The following SAMD12 variants were observed in gnomAD, a reference collection of about 807,000 sequenced individuals.
The protein encoded by SAMD12 is sterile alpha motif domain-containing protein 12.
A neutral mutation model predicts 15.0 loss-of-function variants in SAMD12; 9 were observed. The ratio of observed to expected loss-of-function variants is 0.60; its 90% CI spans 0.36 to 1.05. SAMD12 has a LOEUF of 1.05. Ranked by LOEUF, SAMD12 falls within the 50% of genes least tolerant of loss-of-function variation. SAMD12 has a pLI of 0.01. For synonymous variants in SAMD12, 86 were observed against 90.1 expected (o/e 0.96, Z 0.25); for missense variants, 230 against 234.2 (o/e 0.98, Z 0.12).
At chr8:118,216,379 A>G (rs1811960245) in intron 4 of SAMD12, among the ~76,000 whole-genome samples, 1 of 150,698 alleles carries the variant, frequency 6.6e-6, no homozygotes, top group Non-Finnish European at 1.5e-5. Flanking sequence ...TCAGATGAGT[A>G]GGTTGCGAAA....
At chr8:118,554,281 C>G (rs971608111) in intron 2 of SAMD12, among the ~76,000 whole-genome samples, 1 of 152,042 alleles carries the variant, frequency 6.6e-6, no homozygotes, top group Admixed American at 6.6e-5. Context: ...TTGGAACCAA[C>G]CCAAATGTCC....
chr8:118,343,986 T>C (rs1817503288), intron 4 of SAMD12, among the ~76,000 whole-genome samples: 1 of 152,202 alleles, frequency 6.6e-6, no homozygotes, highest in Non-Finnish European at 1.5e-5. Context: ...CATATATATA[T>C]GGCACATAGT....
intron 4 of SAMD12, among the ~76,000 whole-genome samples, chr8:118,345,835 G>A (rs1817608507): frequency 6.6e-6 from 1 of 152,216 alleles, no homozygotes; most frequent in Non-Finnish European, 1.5e-5. Flanking sequence ...AGGAGACACA[G>A]TTCCCCACCC....
intron 4 of SAMD12, among the ~76,000 whole-genome samples, chr8:118,332,986 T>C (rs906231012): frequency 6.6e-6 from 1 of 152,198 alleles, no homozygotes; most frequent in African/African-American, 2.4e-5. Flanking sequence ...GAAATGTCTG[T>C]CTCATGAGGA....
rs139570581 is a variant in SAMD12 at position 118,524,579 on chromosome 8, C to T, written c.192+56136G>A. 5.5e-3 allele frequency among the ~76,000 whole-genome samples: 837 copies of T among 152,244 alleles called. 7 individuals carry two copies. The highest frequency in any genetic ancestry group is 0.019 in the African/African-American group (780 of 41,546). ...CCAATGCCTGCCAAATATATACCTGCGGCCTGGACTTCTCCCTTGAACTTC... is the reference window on the plus strand; with the variant it reads ...CCAATGCCTGCCAAATATATACCTGTGGCCTGGACTTCTCCCTTGAACTTC... On this transcript the variant is annotated intron_variant, in intron 2 of 3. Coordinates refer to ENST00000314727, the MANE Select transcript of SAMD12 (RefSeq NM_207506.3).
intron 2 of SAMD12, among the ~76,000 whole-genome samples, chr8:118,561,679 A>G (rs1427934457): frequency 6.6e-6 from 1 of 152,246 alleles, no homozygotes; most frequent in African/African-American, 2.4e-5. Context: ...AACCATCCCC[A>G]TGATTCAATT....
chr8:118,557,344 A>T (rs1826566766), intron 2 of SAMD12, among the ~76,000 whole-genome samples: 1 of 152,230 alleles, frequency 6.6e-6, no homozygotes, highest in Admixed American at 6.5e-5. Flanking sequence ...AGCCATGCAG[A>T]ACTGTGAGTT....
chr8:118,476,132 C>A (rs1037844953), intron 2 of SAMD12, among the ~76,000 whole-genome samples: 1 of 152,162 alleles, frequency 6.6e-6, no homozygotes, highest in Non-Finnish European at 1.5e-5. Context: ...TGACTTATCA[C>A]CAGAGTCCAC....
chr8:118,135,854 A>G, the SAMD12 span, among the ~76,000 whole-genome samples: 1 of 150,838 alleles, frequency 6.6e-6, no homozygotes, highest in African/African-American at 2.4e-5. Context: ...CAGCCCAGAA[A>G]TATTCTTTAG....
chr8:118,442,441 A>G (rs1822790939), intron 2 of SAMD12, among the ~76,000 whole-genome samples: 1 of 152,232 alleles, frequency 6.6e-6, no homozygotes, highest in Non-Finnish European at 1.5e-5. Flanking sequence ...AATGGGCTGC[A>G]GCCATTTTCC....
At chr8:118,281,764 A>T (rs1813656488) in intron 4 of SAMD12, among the ~76,000 whole-genome samples, 1 of 152,216 alleles carries the variant, frequency 6.6e-6, no homozygotes, top group South Asian at 2.1e-4. Flanking sequence ...TCCTCTACCA[A>T]GTATGATTCC....
intron 2 of SAMD12, among the ~76,000 whole-genome samples, chr8:118,452,232 A>G (rs754904134): frequency 6.6e-6 from 1 of 152,172 alleles, no homozygotes; most frequent in Non-Finnish European, 1.5e-5. Context: ...GGCACCCAGT[A>G]TGTGGTACCT....
At chr8:118,205,347 C>G (rs1314445654) in intron 4 of SAMD12, among the ~76,000 whole-genome samples, 1 of 152,238 alleles carries the variant, frequency 6.6e-6, no homozygotes, top group Non-Finnish European at 1.5e-5. Context: ...ACAGATAACA[C>G]AATGACCATA....
intron 3 of SAMD12, among the ~76,000 whole-genome samples, chr8:118,411,183 G>A (rs1310731900): frequency 1.3e-5 from 2 of 152,104 alleles, no homozygotes; most frequent in Admixed American, 6.5e-5. Context: ...TGTTTTGTAC[G>A]TTACAGGAAA....
rs1443695373 is a variant in SAMD12 at position 118,478,003 on chromosome 8, G to T, written c.193-38042C>A. Among the ~76,000 whole-genome samples, 3 of 113,668 alleles carry T rather than the reference G, an allele frequency of 2.6e-5. No homozygotes were observed. The Admixed American group carries it at 3.5e-4, about 13-fold the overall frequency. 74.6% of individuals were successfully genotyped at this position (113,668 alleles called of 152,430 possible). ...CACTCCAGCCTGGGTGACAGAGCGA[G>T]ACCCTGTCTCAAAAAAAAAAAAAAA... On this transcript the variant is annotated intron_variant, in intron 2 of 3. Coordinates refer to ENST00000314727, the MANE Select transcript of SAMD12 (RefSeq NM_207506.3).
intron 2 of SAMD12, among the ~76,000 whole-genome samples, chr8:118,538,212 C>T (rs900600437): frequency 2.6e-5 from 4 of 152,144 alleles, no homozygotes; most frequent in Admixed American, 6.5e-5. Context: ...CTCTCCCTCT[C>T]TCTGGGATTG....
intron 2 of SAMD12, among the ~76,000 whole-genome samples, chr8:118,508,911 G>C (rs780270114): frequency 4.2e-5 from 6 of 143,942 alleles, no homozygotes; most frequent in Non-Finnish European, 7.7e-5. Context: ...ACATGATTGA[G>C]AGTCTGGTAT....
chr8:118,232,792 G>A (rs757230314), intron 4 of SAMD12, among the ~76,000 whole-genome samples: 1 of 152,150 alleles, frequency 6.6e-6, no homozygotes, highest in Non-Finnish European at 1.5e-5. Context: ...CCAACAGAGG[G>A]TGTAGGCTCT....
intron 4 of SAMD12, among the ~76,000 whole-genome samples, chr8:118,327,347 C>A (rs977706957): frequency 2.6e-5 from 4 of 152,158 alleles, no homozygotes; most frequent in African/African-American, 9.7e-5. Context: ...TCTCCTCTTC[C>A]GAGGCTTGAA....
Sources: gnomAD v4.1 joint callset for allele counts (sites outside exome capture counted in the v4.1 genomes callset) on GRCh38, gnomAD v4.1.1 for gene constraint, MANE v1.5 for transcripts, NCBI Gene and HGNC (gene_info 2026-07-23, HGNC 2026-07-21) for gene names.